The following CLCN6 variants were observed in gnomAD, a reference collection of about 807,000 sequenced individuals.
The protein encoded by CLCN6 is Cl-/H+ antiporter 6.
In CLCN6, 70 loss-of-function variants were observed where a neutral mutation model predicts 109.8. That is an observed-to-expected ratio of 0.64 (90% confidence interval 0.53 to 0.78). The LOEUF is 0.78. Among genes scored for constraint, CLCN6 ranks in the 30% least tolerant of loss-of-function variants. The pLI, the probability that CLCN6 is intolerant of heterozygous loss-of-function variation, is 0.00. For synonymous variants in CLCN6, 444 were observed against 447.8 expected (o/e 0.99, Z 0.11); for missense variants, 984 against 1,142.3 (o/e 0.86, Z 2.00).
At position 11,824,446 on chromosome 1, in the gene CLCN6, C is replaced by T. The variant is rs781451847; in HGVS notation, c.581-40C>T. 9 of 1,572,454 alleles carry T rather than the reference C, an allele frequency of 5.7e-6. No individual in the cohort carries two copies. In the South Asian group the frequency reaches 1.0e-4, roughly 18 times the overall value. ...AAGGTCTCCTGACCCAGGGGCGTTT[C>T]TGCACTGACTGTTGGTCTTTCCTTT... On this transcript the variant is annotated intron_variant, in intron 7 of 22. Transcript: ENST00000346436.
intron 8 of CLCN6, among the ~76,000 whole-genome samples, chr1:11,825,140 G>T (rs566354962): frequency 6.6e-6 from 1 of 152,308 alleles, no homozygotes; most frequent in African/African-American, 2.4e-5. Context: ...GGCTACTCCA[G>T]ATCCCTGGCT....
intron 10 of CLCN6, among the ~76,000 whole-genome samples, chr1:11,827,876 G>A (rs1010417609): frequency 2.0e-5 from 3 of 152,214 alleles, no homozygotes; most frequent in Non-Finnish European, 4.4e-5. Flanking sequence ...TGTAAAGGCT[G>A]TAAATAGGCT....
At chr1:11,833,481 T>G in intron 13 of CLCN6, 34 bp from the exon 14 acceptor site, 1 of 1,610,960 alleles carries the variant, frequency 6.2e-7, no homozygotes, top group Non-Finnish European at 8.5e-7. Flanking sequence ...AAGTCAGGTG[T>G]CCTTGTACTG....
At chr1:11,826,960 C>A in intron 9 of CLCN6, 129 bp from the exon 10 acceptor site, 1 of 1,182,382 alleles carries the variant, frequency 8.5e-7, no homozygotes. Flanking sequence ...TCACCAGTGA[C>A]CTGCCCTTCC....
At chr1:11,837,693 G>A (rs1295499302) in intron 20 of CLCN6, among the ~76,000 whole-genome samples, 194 bp downstream of exon 20, 1 of 152,156 alleles carries the variant, frequency 6.6e-6, no homozygotes, top group East Asian at 1.9e-4. Flanking sequence ...CATAGTTCAA[G>A]GCCAGAAGTA....
chr1:11,835,049 G>C (rs956263141), intron 17 of CLCN6, among the ~76,000 whole-genome samples: 3 of 152,234 alleles, frequency 2.0e-5, no homozygotes, highest in Non-Finnish European at 4.4e-5. Flanking sequence ...TGTCTAGATA[G>C]CAGGCAAGGC....
chr1:11,827,744 G>A (rs902016408), intron 10 of CLCN6, among the ~76,000 whole-genome samples: 1 of 152,206 alleles, frequency 6.6e-6, no homozygotes, highest in Non-Finnish European at 1.5e-5. Context: ...ACATGAAAAT[G>A]TGAAACTGGC....
In CLCN6 at chr1:11,834,662, T is replaced by C. The variant is rs1644922849; in HGVS notation, c.1793+72T>C. The C allele has an allele frequency of 7.8e-7, 1 of 1,283,568 alleles. No homozygotes were observed. Among genetic ancestry groups the C allele is most frequent in the South Asian group, 1.2e-5 (1 of 80,678 alleles). 79.5% of individuals were successfully genotyped at this position (1,283,568 alleles called of 1,614,324 possible). A position where few individuals can be genotyped will look rare whatever the true frequency, so the allele number is the denominator to read the frequency against. ...TCTGAGGCCTAAGGAATGTTGTTAT[T>C]AGGGTAGGAAACAGTAACTCACTTT... is the stretch of plus-strand genomic sequence containing the variant. On this transcript the variant is annotated intron_variant, in intron 17 of 22. Transcript: ENST00000346436. This position sits in a 1 kb window ranked among gnomAD's most constrained non-coding sequence, Gnocchi z 4.5.
At chr1:11,835,069 C>G (rs1158020609) in intron 17 of CLCN6, among the ~76,000 whole-genome samples, 1 of 152,210 alleles carries the variant, frequency 6.6e-6, no homozygotes, top group Non-Finnish European at 1.5e-5. Flanking sequence ...CCCTTACGGG[C>G]TAACACGGGG....
At chr1:11,816,771 G>A (rs1231374504) in intron 4 of CLCN6, 91 bp downstream of exon 4, 1 of 858,098 alleles carries the variant, frequency 1.2e-6, no homozygotes, top group Non-Finnish European at 1.8e-6. Flanking sequence ...ATTGTCATTT[G>A]TCATTATAAC....
intron 22 of CLCN6, 39 bp downstream of exon 22, chr1:11,838,699 G>A (rs967039690): frequency 3.1e-6 from 5 of 1,614,190 alleles, no homozygotes; most frequent in Non-Finnish European, 4.2e-6. Context: ...CTTTGAGAGA[G>A]GATCCCCTAG....
intron 5 of CLCN6, among the ~76,000 whole-genome samples, chr1:11,821,109 T>C (rs1334973705): frequency 6.9e-6 from 1 of 144,596 alleles, no homozygotes; most frequent in East Asian, 2.0e-4. Context: ...ACAAACAAAA[T>C]CAATAAATTT....
chr1:11,816,857 T>A (rs550924371), intron 4 of CLCN6, among the ~76,000 whole-genome samples, 177 bp downstream of exon 4: 8 of 150,094 alleles, frequency 5.3e-5, no homozygotes, highest in African/African-American at 2.0e-4. Flanking sequence ...TTTTTTTTTT[T>A]AAATGAATAA....
chr1:11,815,914 G>A lies in CLCN6; in HGVS notation c.213+3G>A. ...TTTTGGAGACCATGGATAATAAGGT[G>A]GGTCTTACAATTCTTCATCTCTGGG... On this transcript the variant is annotated splice_donor_region_variant and intron_variant, in intron 3 of 22. Coordinates refer to ENST00000346436, the MANE Select transcript of CLCN6 (RefSeq NM_001286.5). The A allele has an allele frequency of 6.2e-7, 1 of 1,606,144 alleles. No homozygotes were observed. The highest frequency in any genetic ancestry group is 8.5e-7 in the Non-Finnish European group (1 of 1,172,736).
chr1:11,819,353 T>G, intron 4 of CLCN6, 135 bp from the exon 5 acceptor site: 1 of 779,654 alleles, frequency 1.3e-6, no homozygotes, highest in South Asian at 1.4e-5. Flanking sequence ...TGCTGTGCAT[T>G]CACGTACTGC....
Position 11,819,469 on chromosome 1 carries a change from G to A in CLCN6, c.280-19G>A. 1 of 1,612,656 alleles carries A rather than the reference G, an allele frequency of 6.2e-7. No individual in the cohort carries two copies. The highest frequency in any genetic ancestry group is 8.5e-7 in the Non-Finnish European group (1 of 1,178,610). The stretch of plus-strand genomic sequence containing the variant: ...CACTTGGAAATAAGGCTGTGTGACA[G>A]ATCTCTTGCTCTTCACAGGTGGGTC... On this transcript the variant is annotated intron_variant, in intron 4 of 22. Transcript: ENST00000346436.
chr1:11,816,140 T>C (rs547327651), intron 3 of CLCN6, among the ~76,000 whole-genome samples: 20 of 152,378 alleles, frequency 1.3e-4, no homozygotes, highest in Non-Finnish European at 2.5e-4. Flanking sequence ...GTGCCATTTT[T>C]CCAATAGCAT....
At position 11,819,490 on chromosome 1, in the gene CLCN6, G is replaced by T; in HGVS notation, c.282G>T (p.Val94=). The T allele has an allele frequency of 6.2e-7, 1 of 1,613,962 alleles. No homozygotes were observed. The highest frequency in any genetic ancestry group is 8.5e-7 in the Non-Finnish European group (1 of 1,179,854). Residue 94 remains valine (V), a splice_region_variant and synonymous_variant, in exon 5 of 23, where the codon GTG becomes GTT. Transcript: ENST00000346436. The stretch of plus-strand genomic sequence containing the variant: ...GACAGATCTCTTGCTCTTCACAGGT[G>T]GGTCTCTTTGTGGACTTTTTTGTGC... The part of the protein sequence containing the change: ...VFAIGVCTGL[V]GLFVDFFVRL...
chr1:11,833,833 G>A, intron 14 of CLCN6, 44 bp from the exon 15 acceptor site: 1 of 1,586,742 alleles, frequency 6.3e-7, no homozygotes, highest in Non-Finnish European at 8.6e-7. Flanking sequence ...CTGGGCCTTG[G>A]CAGGCATCCG....
Sources: allele counts gnomAD v4.1 joint callset (sites outside exome capture counted in the v4.1 genomes callset), GRCh38; gene constraint gnomAD v4.1.1; non-coding constraint Gnocchi (gnomAD v3.1); transcripts MANE v1.5; gene names NCBI Gene and HGNC (gene_info 2026-07-23, HGNC 2026-07-21).